Variants in TELO2 observed in about 807,000 individuals in gnomAD.
TELO2 encodes the protein telomere length regulation protein TEL2 homolog.
In TELO2, 71 loss-of-function variants were observed where a neutral mutation model predicts 91.0. The observed-to-expected ratio is 0.78, with a 90% CI of 0.64 to 0.95. The LOEUF (loss-of-function observed/expected upper bound fraction) is 0.95. Among genes scored for constraint, TELO2 ranks in the 40% least tolerant of loss-of-function variants. The pLI is 0.00. For missense variants in TELO2, 1,183 were observed against 1,141.3 expected, an observed-to-expected ratio of 1.04 and a Z score of -0.53; for synonymous variants, 584 against 518.9, an observed-to-expected ratio of 1.13 and a Z score of -1.71.
chr16:1,505,544 T>C lies in TELO2; in HGVS notation c.1977T>C (p.Ser659=), dbSNP rs760917181. 8.1e-6 allele frequency: 13 copies of C among 1,612,926 alleles called. No homozygotes were observed. The highest frequency in any genetic ancestry group is 1.3e-5 in the African/African-American group (1 of 75,044). ...CTCAGCCTGGCAGTGCCGTGGCGTC[T>C]GACTGGCGGGTGGTGGTGGAGGAGC... ...AVSQPGSAVA[S]DWRVVVEERI... The change falls in exon 16 of 21, where the codon TCT becomes TCC. Residue 659 remains serine, a synonymous_variant. Coordinates refer to ENST00000262319, the MANE Select transcript of TELO2 (RefSeq NM_016111.4). The surrounding 1 kb of genome is among the most constrained non-coding windows in gnomAD (Gnocchi z 4.3).
Position 1,505,811 on chromosome 16 carries a change from A to C in TELO2, c.2034+210A>C, listed in dbSNP as rs1370927808. Among the ~76,000 whole-genome samples the C allele has an allele frequency of 1.3e-5, 2 of 152,204 alleles. No homozygotes were observed. The highest frequency in any genetic ancestry group is 2.4e-5 in the African/African-American group (1 of 41,474). ...GGAGACCCAGACTGGGCTTGGGGAC[A>C]TGATAAGTGACAGGTGTCCTGGTGG... On this transcript the variant is annotated intron_variant, in intron 16 of 20. Coordinates refer to ENST00000262319, the MANE Select transcript of TELO2 (RefSeq NM_016111.4). The surrounding 1 kb of genome is among the most constrained non-coding windows in gnomAD (Gnocchi z 4.3).
chr16:1,506,404 G>A (rs2039894873), intron 17 of TELO2, 75 bp downstream of exon 17: 3 of 1,610,870 alleles, frequency 1.9e-6, no homozygotes, highest in Non-Finnish European at 2.5e-6. Context: ...CAAGAAGTTC[G>A]GGCTGGGATC....
chr16:1,506,728 T>G lies in TELO2; in HGVS notation c.2127-224T>G, dbSNP rs1376474754. ...GGTTGTGCTGCAGCAGGGGTGGGGG[T>G]CTCGGCGTTGGGAACTCCTGGCCCA... On this transcript the variant is annotated intron_variant, in intron 17 of 20. Coordinates refer to ENST00000262319, the MANE Select transcript of TELO2 (RefSeq NM_016111.4). 3.6e-6 allele frequency: 5 copies of G among 1,391,632 alleles called. 1 individual carries two copies. The South Asian group carries it at 4.6e-5, about 13-fold the overall frequency. The allele number at this position is 1,391,632 out of a possible 1,614,324, so 86.2% of individuals were successfully genotyped here.
chr16:1,507,008 C>T lies in TELO2; in HGVS notation c.2183C>T (p.Ala728Val), dbSNP rs1009833204. Residue 728 changes from alanine to valine, a missense_variant, in exon 18 of 21, where the codon GCG (alanine) becomes GTG (valine). Transcript: ENST00000262319. Reference protein sequence around the residue: ...GEDQLVLGRLAHTLGALMCLA... With the variant: ...GEDQLVLGRLVHTLGALMCLA... ...GACCAGCTGGTTCTCGGAAGGCTGG[C>T]GCACACCTTAGGGGCCCTGATGTGC... 13 of 1,611,916 alleles carry T rather than the reference C, an allele frequency of 8.1e-6. No individual in the cohort carries two copies. Among genetic ancestry groups the T allele is most frequent in the South Asian group, 1.1e-5 (1 of 90,674 alleles).
In TELO2 at chr16:1,494,357, G is replaced by A; in HGVS notation, c.76G>A (p.Gly26Ser). 1 of 1,613,602 alleles carries A rather than the reference G, an allele frequency of 6.2e-7. No individual in the cohort carries two copies. Among genetic ancestry groups the A allele is most frequent in the Non-Finnish European group, 8.5e-7 (1 of 1,180,020 alleles). ...TGCCCTCTCGTCTTCGGAGGATGGC[G>A]GCCACATCTTCTGCACCCTGGAGTC... ...IHALSSSEDG[G>S]HIFCTLESLK... is the part of the protein sequence containing the mutation. Residue 26 changes from glycine to serine, a missense_variant, in exon 2 of 21, where the codon GGC becomes AGC. By Grantham distance (56) the Gly-to-Ser change is moderately conservative. Coordinates refer to ENST00000262319, the MANE Select transcript of TELO2 (RefSeq NM_016111.4). This position sits in a 1 kb window ranked among gnomAD's most constrained non-coding sequence, Gnocchi z 5.6.
At position 1,497,076 on chromosome 16, in the gene TELO2, T is replaced by C; in HGVS notation, c.654T>C (p.Leu218=). ...CCGTGTCCTTCGTGTCTCAGGTCCT[T>C]GGGAAAGCCTGTGTCCACGGGAGGC... ...DSSVSFVSQV[L]GKACVHGRQQ... The change falls in exon 4 of 21, where the codon CTT becomes CTC. Residue 218 remains leucine (L), a synonymous_variant. Transcript: ENST00000262319. The surrounding 1 kb of genome is among the most constrained non-coding windows in gnomAD (Gnocchi z 4.0). 6.2e-7 allele frequency: 1 copy of C among 1,614,078 alleles called. No homozygotes were observed. The highest frequency in any genetic ancestry group is 8.5e-7 in the Non-Finnish European group (1 of 1,179,996).
intron 9 of TELO2, 126 bp from the exon 10 acceptor site, chr16:1,501,294 G>A (rs1264977482): frequency 2.0e-6 from 2 of 990,312 alleles, no homozygotes; most frequent in Non-Finnish European, 3.0e-6. Flanking sequence ...TGGCTATCCA[G>A]GGCCCAGCCA....
intron 15 of TELO2, among the ~76,000 whole-genome samples, chr16:1,504,185 A>G (rs964044599): frequency 6.6e-6 from 1 of 151,152 alleles, no homozygotes; most frequent in Non-Finnish European, 1.5e-5. Context: ...CTGTAATCCC[A>G]GCACTTTGGG....
In TELO2 at chr16:1,504,086, C is replaced by CT. The variant is rs528439362; in HGVS notation, c.1842+1085dup. Reference sequence around the variant, plus strand: ...GCTGTCGTGAGCCGTGATGGCACCACTGCCCTGCAGCCTGGGCAATAGAGC... The same window carrying CT: ...GCTGTCGTGAGCCGTGATGGCACCACTTGCCCTGCAGCCTGGGCAATAGAGC... On this transcript the variant is annotated intron_variant, in intron 15 of 20. Transcript: ENST00000262319. 4.8e-5 allele frequency among the ~76,000 whole-genome samples: 7 copies of CT among 145,728 alleles called. No homozygotes were observed. The South Asian group carries it at 1.3e-3, about 27-fold the overall frequency.
In TELO2 at chr16:1,500,384, G is replaced by A. The variant is rs370700565; in HGVS notation, c.1040G>A (p.Ser347Asn). 6 of 1,597,654 alleles carry A rather than the reference G, an allele frequency of 3.8e-6. No individual in the cohort carries two copies. The highest frequency in any genetic ancestry group is 2.7e-5 in the African/African-American group (2 of 74,768). The change falls in exon 8 of 21, where the codon AGT (serine) becomes AAT (asparagine). Residue 347 changes from serine to asparagine, a missense_variant. By Grantham distance (46) the Ser-to-Asn change is conservative. Coordinates refer to ENST00000262319, the MANE Select transcript of TELO2 (RefSeq NM_016111.4). ...KELLETWGSS[S>N]AIRHTPLPQQ... ...CTGTTGGAGACGTGGGGCAGCAGCA[G>A]TGCCATCCGCCACACTCCCCTGCCG...
Position 1,502,931 on chromosome 16 carries a change from G to A in TELO2, c.1771G>A (p.Val591Met), listed in dbSNP as rs2039754806. ...AGCAGCCTCTCCCCTGTGTCCTCAG[G>A]TGGCCGACTATCTGACCTCACAGTT... is the stretch of plus-strand genomic sequence containing the variant. ...VAVTVTDPAP[V>M]ADYLTSQFYA... is the part of the protein sequence containing the mutation. The change falls in exon 15 of 21, where the codon GTG (valine) becomes ATG (methionine). Residue 591 changes from valine to methionine, a missense_variant and splice_region_variant. Physicochemically the swap from Val to Met is conservative, Grantham distance 21. Transcript: ENST00000262319. 11 of 1,610,794 alleles carry A rather than the reference G, an allele frequency of 6.8e-6. No homozygotes were observed. The highest frequency in any genetic ancestry group is 7.6e-6 in the Non-Finnish European group (9 of 1,180,012).
intron 16 of TELO2, 120 bp from the exon 17 acceptor site, chr16:1,506,118 G>A (rs891427073): frequency 5.4e-6 from 6 of 1,110,818 alleles, no homozygotes; most frequent in Admixed American, 1.9e-5. Context: ...CGGAAGAGTA[G>A]CCCGGGGAGG....
rs763239586 is a variant in TELO2 at position 1,494,578 on chromosome 16, C to A, written c.297C>A (p.Ala99=). 1.9e-6 allele frequency: 3 copies of A among 1,613,516 alleles called. No individual in the cohort carries two copies. The highest frequency in any genetic ancestry group is 1.6e-4 in the Middle Eastern group (1 of 6,062). The change falls in exon 2 of 21, where the codon GCC becomes GCA. Residue 99 remains alanine, a synonymous_variant. Coordinates refer to ENST00000262319, the MANE Select transcript of TELO2 (RefSeq NM_016111.4). This position sits in a 1 kb window ranked among gnomAD's most constrained non-coding sequence, Gnocchi z 5.6. ...SFFLEGPADQ[A]FLVLMETIEG... is the part of the protein sequence containing the mutation. ...TCCTGGAGGGCCCGGCGGACCAAGC[C>A]TTCCTGGTGTTGATGGAGACCATCG...
In TELO2 at chr16:1,500,123, C is replaced by T; in HGVS notation, c.961C>T (p.His321Tyr). The T allele has an allele frequency of 6.2e-7, 1 of 1,608,966 alleles. No homozygotes were observed. The highest frequency in any genetic ancestry group is 1.9e-4 in the Middle Eastern group (1 of 5,328). The change falls in exon 7 of 21, where the codon CAT becomes TAT. Residue 321 changes from histidine (H) to tyrosine (Y), a missense_variant. By Grantham distance (83) the His-to-Tyr change is moderately conservative. Coordinates refer to ENST00000262319, the MANE Select transcript of TELO2 (RefSeq NM_016111.4). ...TTPMLQSLLG[H>Y]LAMDSQRRPL... is the part of the protein sequence containing the mutation. Reference sequence around the variant, plus strand: ...GCCCATGCTGCAGAGCCTGCTGGGCCATCTGGCCATGGACAGCCAGCGGCG... The same window carrying T: ...GCCCATGCTGCAGAGCCTGCTGGGCTATCTGGCCATGGACAGCCAGCGGCG...
chr16:1,499,174 C>T (rs552577213), intron 5 of TELO2, 57 bp from the exon 6 acceptor site: 54 of 1,583,736 alleles, frequency 3.4e-5, no homozygotes, highest in South Asian at 2.9e-4. Context: ...TTCACGCTCT[C>T]GCTCCTCCCT....
At chr16:1,500,814 C>T (rs1011431211) in intron 9 of TELO2, 115 bp downstream of exon 9, 55 of 1,458,810 alleles carry the variant, frequency 3.8e-5, no homozygotes, top group Admixed American at 1.8e-4. Context: ...GCGGAGCGTC[C>T]GTGTGGACTT....
At chr16:1,500,042 G>A in intron 6 of TELO2, 54 bp from the exon 7 acceptor site, 3 of 1,570,480 alleles carry the variant, frequency 1.9e-6, no homozygotes, top group African/African-American at 2.7e-5. Flanking sequence ...GGGAGCCCCG[G>A]GCTGGCCAGG....
Position 1,510,013 on chromosome 16 carries a change from C to A in TELO2, c.*77C>A. On this transcript the variant is annotated 3_prime_UTR_variant, in exon 21 of 21. Transcript: ENST00000262319. ...GAGCAGCGGCCTGGAGCAGCAGAGC[C>A]AGGCTTTGTAGCGAGGCCAGGTCTT... 1 of 1,357,464 alleles carries A rather than the reference C, an allele frequency of 7.4e-7. No individual in the cohort carries two copies. Among genetic ancestry groups the A allele is most frequent in the Non-Finnish European group, 1.0e-6 (1 of 982,110 alleles). 84.1% of individuals were successfully genotyped at this position (1,357,464 alleles called of 1,614,324 possible). A position where few individuals can be genotyped will look rare whatever the true frequency, so the allele number is the denominator to read the frequency against.
At chr16:1,499,581 C>T (rs1046754081) in intron 6 of TELO2, among the ~76,000 whole-genome samples, 1 of 120,340 alleles carries the variant, frequency 8.3e-6, no homozygotes, top group Non-Finnish European at 1.6e-5. Context: ...GCCCTAGCTG[C>T]GTTCTGTGCC....
Sources: allele counts gnomAD v4.1 joint callset (sites outside exome capture counted in the v4.1 genomes callset), GRCh38; gene constraint gnomAD v4.1.1; non-coding constraint Gnocchi (gnomAD v3.1); transcripts MANE v1.5; gene names NCBI Gene and HGNC (gene_info 2026-07-23, HGNC 2026-07-21).